Variants in PRKAR2B observed in about 807,000 individuals in gnomAD.
PRKAR2B encodes protein kinase cAMP-dependent type II regulatory subunit beta.
Under a neutral mutation model 49.9 loss-of-function variants are expected in PRKAR2B, and 14 were observed. The observed-to-expected ratio is 0.28, with a 90% CI of 0.19 to 0.44. The LOEUF is 0.44. Among genes scored for constraint, PRKAR2B ranks in the 20% least tolerant of loss-of-function variants. PRKAR2B has a pLI of 1.00. For synonymous variants in PRKAR2B, 196 were observed against 197.7 expected, an observed-to-expected ratio of 0.99 and a Z score of 0.07; for missense variants, 393 against 537.9, an observed-to-expected ratio of 0.73 and a Z score of 2.67.
At chr7:107,146,596 G>T in intron 6 of PRKAR2B, 135 bp downstream of exon 6, 1 of 1,008,182 alleles carries the variant, frequency 9.9e-7, no homozygotes. Flanking sequence ...GCCACTGAAT[G>T]CTGAACTGTA....
At chr7:107,093,758 G>A (rs911603349) in intron 2 of PRKAR2B, among the ~76,000 whole-genome samples, 7 of 150,594 alleles carry the variant, frequency 4.6e-5, no homozygotes, top group African/African-American at 1.2e-4. Flanking sequence ...GAGAACATGC[G>A]GTGTTTGGTT....
In PRKAR2B at chr7:107,140,373, G is replaced by A. The variant is rs181349984; in HGVS notation, c.481-474G>A. 2.9e-3 allele frequency among the ~76,000 whole-genome samples: 443 copies of A among 152,106 alleles called. 1 individual carries two copies. Among genetic ancestry groups the A allele is most frequent in the Admixed American group, 5.2e-3 (79 of 15,272 alleles). ...TCTTTTTTGTTCTGTTTTGATTTTG[G>A]TGCTAAACCAAAAAGAAGATTGGAA... On this transcript the variant is annotated intron_variant, in intron 4 of 10. Coordinates refer to ENST00000265717, the MANE Select transcript of PRKAR2B (RefSeq NM_002736.3).
intron 4 of PRKAR2B, among the ~76,000 whole-genome samples, chr7:107,139,485 T>G (rs1265441523): frequency 6.6e-6 from 1 of 152,218 alleles, no homozygotes; most frequent in Non-Finnish European, 1.5e-5. Flanking sequence ...AGGTGTCAAC[T>G]AATCTCTGCA....
intron 1 of PRKAR2B, among the ~76,000 whole-genome samples, chr7:107,063,940 T>C (rs113263721): frequency 8.3e-4 from 127 of 152,332 alleles, no homozygotes; most frequent in African/African-American, 3.0e-3. Flanking sequence ...TCCATAAATC[T>C]GCTCTTTGCA....
At chr7:107,066,766 G>A (rs1484219871) in intron 1 of PRKAR2B, 1 of 151,770 alleles carries the variant, frequency 6.6e-6, no homozygotes, top group African/African-American at 2.4e-5. Context: ...ATAGAGATGG[G>A]GTTTCTCTTA....
rs943660775 is a variant in PRKAR2B, at chr7:107,141,934, C to G, written c.587+981C>G. On this transcript the variant is annotated intron_variant, in intron 5 of 10. Transcript: ENST00000265717. ...TCAGGAAATTTAAGTTGTGCTTTAC[C>G]TCATCATAGAACAATATGCCTTATG... Among the ~76,000 whole-genome samples the G allele has an allele frequency of 2.6e-5, 4 of 152,112 alleles. No homozygotes were observed. In the South Asian group the frequency reaches 8.3e-4, roughly 32 times the overall value.
intron 2 of PRKAR2B, among the ~76,000 whole-genome samples, chr7:107,121,353 A>G (rs1795384152): frequency 6.6e-6 from 1 of 152,178 alleles, no homozygotes; most frequent in African/African-American, 2.4e-5. Flanking sequence ...TACGGCATAT[A>G]ATAATCTGCA....
chr7:107,057,555 G>T (rs951110873), intron 1 of PRKAR2B, among the ~76,000 whole-genome samples: 1 of 152,134 alleles, frequency 6.6e-6, no homozygotes, highest in African/African-American at 2.4e-5. Context: ...TTTTTTAAGA[G>T]TGTGATTTCA....
At chr7:107,055,416 T>G (rs904400890) in intron 1 of PRKAR2B, among the ~76,000 whole-genome samples, 1 of 152,240 alleles carries the variant, frequency 6.6e-6, no homozygotes, top group Non-Finnish European at 1.5e-5. Flanking sequence ...TGAACTAGCT[T>G]ACAGTCCCAC....
At chr7:107,089,318 C>T (rs1255692100) in intron 2 of PRKAR2B, among the ~76,000 whole-genome samples, 2 of 152,210 alleles carry the variant, frequency 1.3e-5, no homozygotes, top group Non-Finnish European at 2.9e-5. Flanking sequence ...ATTCTGCGCT[C>T]TTTCCTCATA....
chr7:107,094,992 C>CT (rs546931569), intron 2 of PRKAR2B, among the ~76,000 whole-genome samples: 213 of 152,246 alleles, frequency 1.4e-3, no homozygotes, highest in Non-Finnish European at 2.5e-3. Flanking sequence ...AATACGGGCT[C>CT]TTTTTTGGCT....
chr7:107,125,566 A>G (rs991717610), intron 3 of PRKAR2B, among the ~76,000 whole-genome samples: 20 of 152,312 alleles, frequency 1.3e-4, no homozygotes, highest in African/African-American at 4.8e-4. Flanking sequence ...GTAGGAGAGC[A>G]TCTTCAGAGC....
At chr7:107,063,389 TG>T (rs1794065311) in intron 1 of PRKAR2B, among the ~76,000 whole-genome samples, 1 of 152,020 alleles carries the variant, frequency 6.6e-6, no homozygotes, top group Non-Finnish European at 1.5e-5. Flanking sequence ...TAGCCAGCAG[TG>T]TTCTAAGCCT....
chr7:107,130,839 T>G (rs1421818036), intron 4 of PRKAR2B, among the ~76,000 whole-genome samples: 1 of 152,230 alleles, frequency 6.6e-6, no homozygotes, highest in Non-Finnish European at 1.5e-5. Flanking sequence ...AAATTAATCC[T>G]TACTTTTACA....
intron 8 of PRKAR2B, 87 bp from the exon 9 acceptor site, chr7:107,156,897 G>T (rs577239978): frequency 2.5e-4 from 283 of 1,147,848 alleles, no homozygotes; most frequent in Non-Finnish European, 3.2e-4. Context: ...TTTGGGGTTG[G>T]ATCAATTTTA....
At position 107,157,053 on chromosome 7, in the gene PRKAR2B, A is replaced by G. The variant is rs779891904; in HGVS notation, c.984+4A>G. 6.2e-7 allele frequency: 1 copy of G among 1,610,196 alleles called. No homozygotes were observed. The highest frequency in any genetic ancestry group is 1.7e-5 in the Admixed American group (1 of 60,004). On this transcript the variant is annotated splice_donor_region_variant and intron_variant, in intron 9 of 10. Transcript: ENST00000265717. ...GAAAATTACTATGAAAAGAAAGGTA[A>G]GCATTCTAAGTCCTCAGAACCCACA...
chr7:107,113,808 C>G (rs1187483588), intron 2 of PRKAR2B, among the ~76,000 whole-genome samples: 1 of 152,124 alleles, frequency 6.6e-6, no homozygotes. Flanking sequence ...GTATCTTTAT[C>G]TAAGGAACAC....
intron 4 of PRKAR2B, chr7:107,133,745 A>G (rs1397931957): frequency 3.3e-5 from 5 of 152,208 alleles, no homozygotes; most frequent in Non-Finnish European, 1.5e-5. Flanking sequence ...CTATATGAAG[A>G]TGTAAAATTA....
chr7:107,115,700 G>A (rs1180332286), intron 2 of PRKAR2B, among the ~76,000 whole-genome samples: 2 of 152,120 alleles, frequency 1.3e-5, no homozygotes, highest in Non-Finnish European at 2.9e-5. Flanking sequence ...GAAACACCTT[G>A]TGTTGGGGCC....
Sources: allele counts gnomAD v4.1 joint callset (sites outside exome capture counted in the v4.1 genomes callset), GRCh38; gene constraint gnomAD v4.1.1; transcripts MANE v1.5; gene names NCBI Gene and HGNC (gene_info 2026-07-23, HGNC 2026-07-21).